The following CDC42SE2 variants were observed in gnomAD, a reference collection of about 807,000 sequenced individuals.
CDC42SE2 encodes CDC42 small effector protein 2.
Under a neutral mutation model 11.5 loss-of-function variants are expected in CDC42SE2, and 3 were observed. That is an observed-to-expected ratio of 0.26 (90% confidence interval 0.12 to 0.67). CDC42SE2 has a LOEUF of 0.67. CDC42SE2 is among the 30% of genes least tolerant of loss of function. The pLI is 0.80. For synonymous variants in CDC42SE2, 33 were observed against 34.8 expected (o/e 0.95, Z 0.18); for missense variants, 82 against 106.8 (o/e 0.77, Z 1.02).
At chr5:131,273,783 A>AT (rs1561568033) in intron 1 of CDC42SE2, among the ~76,000 whole-genome samples, 1 of 150,204 alleles carries the variant, frequency 6.7e-6, no homozygotes, top group African/African-American at 2.5e-5. Context: ...AAAAAAAAAA[A>AT]GTTTTTTTTT....
chr5:131,323,563 T>G (rs1403660795), intron 2 of CDC42SE2, among the ~76,000 whole-genome samples: 2 of 141,484 alleles, frequency 1.4e-5, no homozygotes, highest in Non-Finnish European at 3.0e-5. Flanking sequence ...TTTTTTTTTT[T>G]TTTTTTTTTT....
chr5:131,319,998 C>T (rs767347452), intron 2 of CDC42SE2, among the ~76,000 whole-genome samples: 8 of 129,094 alleles, frequency 6.2e-5, no homozygotes, highest in Admixed American at 9.7e-5. Context: ...TTGCAGTGAG[C>T]GGAGATCGCG....
At chr5:131,307,829 A>AT (rs1160901294) in intron 1 of CDC42SE2, among the ~76,000 whole-genome samples, 1 of 152,052 alleles carries the variant, frequency 6.6e-6, no homozygotes, top group South Asian at 2.1e-4. Context: ...GATGATGAGC[A>AT]TTTTTTCATG....
At chr5:131,366,255 A>G (rs999707222) in intron 3 of CDC42SE2, among the ~76,000 whole-genome samples, 3 of 152,130 alleles carry the variant, frequency 2.0e-5, no homozygotes, top group African/African-American at 4.8e-5. Context: ...GAATTTGTCT[A>G]TATGTACTTG....
At chr5:131,375,548 TA>T (rs1327033896) in intron 3 of CDC42SE2, among the ~76,000 whole-genome samples, 1 of 152,230 alleles carries the variant, frequency 6.6e-6, no homozygotes, top group Non-Finnish European at 1.5e-5. Context: ...GAGAGCTCCT[TA>T]TATAAGCTCT....
chr5:131,286,385 GTTTTTTTTTT>G (rs33983324), intron 1 of CDC42SE2, among the ~76,000 whole-genome samples: 1 of 115,088 alleles, frequency 8.7e-6, no homozygotes, highest in African/African-American at 3.4e-5. Flanking sequence ...CACCTGGCCA[GTTTTTTTTTT>G]TTTTTTTTTT....
intron 3 of CDC42SE2, among the ~76,000 whole-genome samples, chr5:131,365,142 T>C (rs549197186): frequency 1.3e-5 from 2 of 151,870 alleles, no homozygotes; most frequent in Admixed American, 6.5e-5. Context: ...ATACAAAAAA[T>C]AGCTGGGCGT....
Position 131,345,906 on chromosome 5 carries a change from A to G in CDC42SE2, c.-285-13303A>G, listed in dbSNP as rs534358330. ...TTCATATCCAGCCAAACTAAGCTTC[A>G]TAAGTGAAGGAGAAATAAAATCCTT... On this transcript the variant is annotated intron_variant, in intron 2 of 4. Coordinates refer to ENST00000505065, the MANE Select transcript of CDC42SE2 (RefSeq NM_001375635.1). 3.3e-3 allele frequency among the ~76,000 whole-genome samples: 502 copies of G among 152,322 alleles called. 6 individuals carry two copies. Among genetic ancestry groups the G allele is most frequent in the African/African-American group, 0.012 (492 of 41,576 alleles).
intron 2 of CDC42SE2, among the ~76,000 whole-genome samples, chr5:131,357,572 A>T (rs1749587970): frequency 6.6e-6 from 1 of 152,250 alleles, no homozygotes; most frequent in Admixed American, 6.5e-5. Context: ...GGCAAAGCTT[A>T]TAAATGTGTG....
chr5:131,260,606 C>T (rs1756715944), upstream of CDC42SE2, among the ~76,000 whole-genome samples: 1 of 133,008 alleles, frequency 7.5e-6, no homozygotes, highest in Non-Finnish European at 1.5e-5. Context: ...GCCTGTGTGA[C>T]AGAGCGAGAC....
chr5:131,256,027 A>G (rs1405143219), intron 2 of CDC42SE2, among the ~76,000 whole-genome samples: 2 of 152,172 alleles, frequency 1.3e-5, no homozygotes, highest in Non-Finnish European at 2.9e-5. Context: ...ACTAGAGACC[A>G]TTCTCTTTTT....
chr5:131,299,201 A>G (rs1249495969), intron 1 of CDC42SE2, among the ~76,000 whole-genome samples: 2 of 152,178 alleles, frequency 1.3e-5, no homozygotes, highest in African/African-American at 4.8e-5. Flanking sequence ...TGAGGATAAT[A>G]GTCATTAAAG....
At chr5:131,266,848 T>G in intron 1 of CDC42SE2, among the ~76,000 whole-genome samples, 1 of 151,968 alleles carries the variant, frequency 6.6e-6, no homozygotes, top group Admixed American at 6.6e-5. Context: ...TACCTGACAA[T>G]GTACCACTGA....
chr5:131,240,850 T>C (rs1756534724), upstream of CDC42SE2, among the ~76,000 whole-genome samples: 1 of 152,212 alleles, frequency 6.6e-6, no homozygotes, highest in Admixed American at 6.5e-5. Context: ...CTAATTCATT[T>C]TTGGTTTCAT....
intron 2 of CDC42SE2, among the ~76,000 whole-genome samples, chr5:131,356,193 C>T (rs1749538643): frequency 6.6e-6 from 1 of 152,112 alleles, no homozygotes; most frequent in Admixed American, 6.5e-5. Flanking sequence ...GTATTTAAAG[C>T]CAAGTTTATA....
chr5:131,363,858 G>A (rs1227112013), intron 3 of CDC42SE2, among the ~76,000 whole-genome samples: 1 of 151,602 alleles, frequency 6.6e-6, no homozygotes, highest in Non-Finnish European at 1.5e-5. Flanking sequence ...ACCACACCCG[G>A]TTAATTTTTA....
rs747152132 is a variant in CDC42SE2, at chr5:131,329,879, C to CAAAAAAAAAAAAAAAAAAAAAAAAAAAA, written c.-286+13751_-286+13778dup. 2.1e-4 allele frequency among the ~76,000 whole-genome samples: 12 copies of CAAAAAAAAAAAAAAAAAAAAAAAAAAAA among 56,626 alleles called. 2 individuals are homozygous for CAAAAAAAAAAAAAAAAAAAAAAAAAAAA. Among genetic ancestry groups the CAAAAAAAAAAAAAAAAAAAAAAAAAAAA allele is most frequent in the South Asian group, 7.3e-4 (1 of 1,362 alleles). The allele number at this position is 56,626 out of a possible 152,430, so 37.1% of individuals were successfully genotyped here. On this transcript the variant is annotated intron_variant, in intron 2 of 4. Coordinates refer to ENST00000505065, the MANE Select transcript of CDC42SE2 (RefSeq NM_001375635.1). ...GGGCAACAAGAGTGAAACTCCATCT[C>CAAAAAAAAAAAAAAAAAAAAAAAAAAAA]AAAAAAAAAAAAAAAAAAAAAAAAA...
At chr5:131,312,298 C>G (rs547536796) in intron 1 of CDC42SE2, among the ~76,000 whole-genome samples, 12 of 152,124 alleles carry the variant, frequency 7.9e-5, no homozygotes, top group Non-Finnish European at 1.6e-4. Context: ...GCAGTCTGCC[C>G]GTTCTCAGGT....
At chr5:131,211,157 G>T in the CDC42SE2 span, among the ~76,000 whole-genome samples, 1 of 152,208 alleles carries the variant, frequency 6.6e-6, no homozygotes, top group South Asian at 2.1e-4. Flanking sequence ...TTTCATACAA[G>T]AATTCTTGTT....
Sources: allele counts gnomAD v4.1 joint callset (sites outside exome capture counted in the v4.1 genomes callset), GRCh38; gene constraint gnomAD v4.1.1; transcripts MANE v1.5; gene names NCBI Gene and HGNC (gene_info 2026-07-23, HGNC 2026-07-21).